The following SLC39A11 variants were observed in gnomAD, a reference collection of about 807,000 sequenced individuals.
SLC39A11 encodes solute carrier family 39 member 11, also known as zinc transporter ZIP11.
Under a neutral mutation model 36.1 loss-of-function variants are expected in SLC39A11, and 33 were observed. The ratio of observed to expected loss-of-function variants is 0.91; its 90% CI spans 0.69 to 1.22. The LOEUF is 1.22. Ranked by LOEUF, SLC39A11 falls within the 50% of genes most tolerant of loss-of-function variation. The pLI, the probability that SLC39A11 is intolerant of heterozygous loss-of-function variation, is 0.00. For synonymous variants in SLC39A11, 166 were observed against 170.3 expected, an observed-to-expected ratio of 0.97 and a Z score of 0.20; for missense variants, 432 against 430.3, an observed-to-expected ratio of 1.00 and a Z score of -0.03.
intron 6 of SLC39A11, among the ~76,000 whole-genome samples, chr17:72,776,843 C>T (rs1416140637): frequency 6.6e-6 from 1 of 152,208 alleles, no homozygotes; most frequent in Non-Finnish European, 1.5e-5. Flanking sequence ...AGCAGCTGGT[C>T]CACAGTAAAT....
chr17:72,751,001 C>G (rs4616320), intron 6 of SLC39A11, among the ~76,000 whole-genome samples: 2 of 152,056 alleles, frequency 1.3e-5, no homozygotes, highest in African/African-American at 4.8e-5. Context: ...AATCCCAGCA[C>G]TTTGGGAGGC....
intron 6 of SLC39A11, among the ~76,000 whole-genome samples, chr17:72,836,783 T>C (rs556911844): frequency 1.3e-5 from 2 of 152,248 alleles, no homozygotes; most frequent in East Asian, 3.9e-4. Flanking sequence ...TTTAGCATTA[T>C]TGGTATATTT....
intron 5 of SLC39A11, among the ~76,000 whole-genome samples, chr17:72,895,936 C>T (rs146493498): frequency 1.1e-3 from 172 of 151,914 alleles, no homozygotes; most frequent in East Asian, 8.9e-3. Context: ...AAAGAATTAG[C>T]GCTTAATAAA....
At chr17:72,990,003 T>A (rs1261192515) in intron 4 of SLC39A11, among the ~76,000 whole-genome samples, 1 of 152,234 alleles carries the variant, frequency 6.6e-6, no homozygotes, top group Non-Finnish European at 1.5e-5. Flanking sequence ...ATGCTGCACG[T>A]AGTATCAGAC....
chr17:72,830,177 A>G (rs773977728), intron 6 of SLC39A11, among the ~76,000 whole-genome samples: 2 of 152,212 alleles, frequency 1.3e-5, no homozygotes, highest in Non-Finnish European at 2.9e-5. Context: ...CCACTGATAA[A>G]TGAAAAATTT....
At chr17:72,717,846 G>C (rs1029363971) in intron 7 of SLC39A11, among the ~76,000 whole-genome samples, 1 of 152,216 alleles carries the variant, frequency 6.6e-6, no homozygotes, top group South Asian at 2.1e-4. Flanking sequence ...CCTGCACATC[G>C]GCTGTCTAGG....
intron 6 of SLC39A11, among the ~76,000 whole-genome samples, chr17:72,847,818 A>G (rs1227301005): frequency 6.6e-6 from 1 of 152,236 alleles, no homozygotes; most frequent in African/African-American, 2.4e-5. Flanking sequence ...CAAGGGATCA[A>G]CATCTGCAGA....
chr17:72,893,819 T>A (rs2081887715), intron 5 of SLC39A11, among the ~76,000 whole-genome samples: 1 of 152,104 alleles, frequency 6.6e-6, no homozygotes. Context: ...ATAAGTCCCA[T>A]TGTTGGAGAG....
chr17:73,038,544 CAA>C (rs35947586), intron 3 of SLC39A11, among the ~76,000 whole-genome samples: 8 of 123,888 alleles, frequency 6.5e-5, no homozygotes, highest in Non-Finnish European at 8.6e-5. Flanking sequence ...ACTAAAAATA[CAA>C]AAAAAAAAAA....
At chr17:72,862,514 G>A (rs1359093042) in intron 5 of SLC39A11, among the ~76,000 whole-genome samples, 1 of 152,150 alleles carries the variant, frequency 6.6e-6, no homozygotes, top group Non-Finnish European at 1.5e-5. Flanking sequence ...TTCCCATCCT[G>A]TTCCTACTTA....
At chr17:72,933,509 G>A (rs887843208) in intron 5 of SLC39A11, among the ~76,000 whole-genome samples, 4 of 152,100 alleles carry the variant, frequency 2.6e-5, no homozygotes, top group African/African-American at 9.7e-5. Flanking sequence ...TGCAACCCCA[G>A]TCAAAATCCC....
intron 4 of SLC39A11, among the ~76,000 whole-genome samples, chr17:72,982,434 C>A (rs2088396035): frequency 6.6e-6 from 1 of 152,142 alleles, no homozygotes; most frequent in African/African-American, 2.4e-5. Flanking sequence ...TGGGAAGAAT[C>A]TCCCCCCAAA....
At chr17:72,899,309 G>A (rs1278193183) in intron 5 of SLC39A11, among the ~76,000 whole-genome samples, 2 of 144,094 alleles carry the variant, frequency 1.4e-5, no homozygotes, top group African/African-American at 5.8e-5. Context: ...AAGGCCCTAA[G>A]GAGTCCACCT....
chr17:72,695,934 G>A (rs2072274836), intron 7 of SLC39A11, among the ~76,000 whole-genome samples: 1 of 152,188 alleles, frequency 6.6e-6, no homozygotes, highest in Admixed American at 6.5e-5. Context: ...CTTGGGAAGT[G>A]TGAGAGAATC....
rs1159223835 is a variant in SLC39A11 at position 72,648,788 on chromosome 17, G to A, written c.929+15C>T. The A allele has an allele frequency of 6.2e-7, 1 of 1,614,092 alleles. No individual in the cohort carries two copies. Among genetic ancestry groups the A allele is most frequent in the South Asian group, 1.1e-5 (1 of 91,076 alleles). On this transcript the variant is annotated intron_variant, in intron 9 of 9. Coordinates refer to ENST00000255559, the MANE Select transcript of SLC39A11 (RefSeq NM_139177.4). ...GACTGGGACAGGGACAGACAGGGAG[G>A]GAAGGTTCTCCAACCTGATCTGGGC...
At chr17:72,832,476 G>T (rs1199327039) in intron 6 of SLC39A11, among the ~76,000 whole-genome samples, 2 of 152,196 alleles carry the variant, frequency 1.3e-5, no homozygotes, top group African/African-American at 4.8e-5. Context: ...ACAGCCAAAA[G>T]TAATACATTT....
At chr17:72,836,837 C>T (rs916680145) in intron 6 of SLC39A11, among the ~76,000 whole-genome samples, 1 of 152,096 alleles carries the variant, frequency 6.6e-6, no homozygotes, top group Non-Finnish European at 1.5e-5. Flanking sequence ...GTTCTGCTTC[C>T]TCATTAACTG....
In SLC39A11 at chr17:73,018,673, C is replaced by G. The variant is rs1005285671; in HGVS notation, c.306+12883G>C. ...TATCCATCCCAACAAAGCCTAAAAC[C>G]AAGACTTGGGAGTATCAAGCATATT... On this transcript the variant is annotated intron_variant, in intron 4 of 9. Coordinates refer to ENST00000255559, the MANE Select transcript of SLC39A11 (RefSeq NM_139177.4). Among the ~76,000 whole-genome samples, 4 of 151,968 alleles carry G rather than the reference C, an allele frequency of 2.6e-5. No homozygotes were observed. The East Asian group carries it at 5.8e-4, about 22-fold the overall frequency.
At chr17:72,852,452 A>G (rs180835033) in intron 5 of SLC39A11, among the ~76,000 whole-genome samples, 4 of 152,218 alleles carry the variant, frequency 2.6e-5, no homozygotes, top group Admixed American at 2.0e-4. Context: ...CCTGACTCAC[A>G]TAACCAGCCT....
Sources: gnomAD v4.1 joint callset for allele counts (sites outside exome capture counted in the v4.1 genomes callset) on GRCh38, gnomAD v4.1.1 for gene constraint, MANE v1.5 for transcripts, NCBI Gene and HGNC (gene_info 2026-07-23, HGNC 2026-07-21) for gene names.